The following PKD1L1 variants were observed in gnomAD, a reference collection of about 807,000 sequenced individuals.
PKD1L1 encodes the protein polycystin 1 like 1, transient receptor potential channel interacting.
A neutral mutation model predicts 323.4 loss-of-function variants in PKD1L1; 236 were observed. The ratio of observed to expected loss-of-function variants is 0.73; its 90% CI spans 0.66 to 0.81. The LOEUF (loss-of-function observed/expected upper bound fraction) is 0.81. Among genes scored for constraint, PKD1L1 ranks in the 40% least tolerant of loss-of-function variants. The probability of loss-of-function intolerance (pLI) is 0.00; values close to 1 mark genes in which losing one functional copy is unlikely to be tolerated. For synonymous variants in PKD1L1, 1,344 were observed against 1,335.0 expected (o/e 1.01, Z -0.15); for missense variants, 3,320 against 3,508.0 (o/e 0.95, Z 1.35).
intron 14 of PKD1L1, among the ~76,000 whole-genome samples, chr7:47,894,915 C>T (rs58909430): frequency 0.036 from 5,542 of 151,900 alleles, 348 homozygotes; most frequent in African/African-American, 0.13. Context: ...GCTATTCTTT[C>T]ACTGGGTCTC....
chr7:47,891,426 C>A (rs1003144273), intron 15 of PKD1L1, among the ~76,000 whole-genome samples: 9 of 152,230 alleles, frequency 5.9e-5, no homozygotes, highest in African/African-American at 1.9e-4. Context: ...CATATAGTTC[C>A]AGCAGGGAGG....
rs969368629 is a variant in PKD1L1, at chr7:47,839,373, C to G, written c.5769+73G>C. 3.9e-6 allele frequency: 5 copies of G among 1,271,122 alleles called. No homozygotes were observed. In the South Asian group the frequency reaches 4.2e-5, roughly 11 times the overall value. The allele number at this position is 1,271,122 out of a possible 1,614,324, so 78.7% of individuals were successfully genotyped here. A position where few individuals can be genotyped will look rare whatever the true frequency, so the allele number is the denominator to read the frequency against. On this transcript the variant is annotated intron_variant, in intron 36 of 56. Coordinates refer to ENST00000289672, the MANE Select transcript of PKD1L1 (RefSeq NM_138295.5). The surrounding 1 kb of genome is among the most constrained non-coding windows in gnomAD (Gnocchi z 4.3). ...AGTTCAAAGACACAACTGTGGCAAG[C>G]GAAGCAGAGACAGGTGCCATGCTCT...
intron 21 of PKD1L1, among the ~76,000 whole-genome samples, chr7:47,878,398 T>A (rs942236111): frequency 2.0e-5 from 3 of 152,220 alleles, no homozygotes; most frequent in Admixed American, 6.5e-5. Flanking sequence ...TGTCTTGAGA[T>A]GGATTATAGA....
rs537319510 is a variant in PKD1L1, at chr7:47,862,179, A to G, written c.4149+3037T>C. On this transcript the variant is annotated intron_variant, in intron 26 of 56. Coordinates refer to ENST00000289672, the MANE Select transcript of PKD1L1 (RefSeq NM_138295.5). ...CACTACACTCCAGCTTGGGCGACAG[A>G]GTGAGACTCTGTCTGAAAAAAAAAA... 3.3e-5 allele frequency among the ~76,000 whole-genome samples: 5 copies of G among 152,160 alleles called. No individual in the cohort carries two copies. In the South Asian group the frequency reaches 8.3e-4, roughly 25 times the overall value.
Position 47,918,738 on chromosome 7 carries a change from T to G in PKD1L1, c.1061-3139A>C, listed in dbSNP as rs188743456. 3.0e-3 allele frequency among the ~76,000 whole-genome samples: 455 copies of G among 152,194 alleles called. 6 individuals carry two copies. The highest frequency in any genetic ancestry group is 0.01 in the African/African-American group (427 of 41,506). ...GAACATTCAAAACCATGCAAATACA[T>G]AGAAATTAAATAACCTGCTCCTGAG... On this transcript the variant is annotated intron_variant, in intron 7 of 56. Transcript: ENST00000289672.
At chr7:47,878,926 C>A (rs1583641632) in intron 21 of PKD1L1, among the ~76,000 whole-genome samples, 1 of 152,334 alleles carries the variant, frequency 6.6e-6, no homozygotes, top group East Asian at 1.9e-4. Flanking sequence ...TGGAGAGACT[C>A]TCATGTGTCT....
In PKD1L1 at chr7:47,830,107, C is replaced by T. The variant is rs1317728664; in HGVS notation, c.6491G>A (p.Cys2164Tyr). 1 of 1,614,120 alleles carries T rather than the reference C, an allele frequency of 6.2e-7. No individual in the cohort carries two copies. Among genetic ancestry groups the T allele is most frequent in the Admixed American group, 1.7e-5 (1 of 60,022 alleles). The change falls in exon 43 of 57, where the codon TGT becomes TAT. Residue 2164 changes from cysteine (C) to tyrosine (Y), a missense_variant. By Grantham distance (194) the Cys-to-Tyr change is radical (BLOSUM62 -2). Coordinates refer to ENST00000289672, the MANE Select transcript of PKD1L1 (RefSeq NM_138295.5). The stretch of plus-strand genomic sequence containing the variant: ...GGACAGCAGGTGCAGCCACTGCACA[C>T]ATTGCTCCTGGCCAAACCTGCCCCC... ...FLAYRFGQEQCVQWLHLLSLS... is the reference protein window; with the variant it reads ...FLAYRFGQEQYVQWLHLLSLS...
At chr7:47,855,087 A>G in intron 29 of PKD1L1, 48 bp from the exon 30 acceptor site, 2 of 1,608,746 alleles carry the variant, frequency 1.2e-6, no homozygotes, top group African/African-American at 1.3e-5. Context: ...CTTTGGTAAA[A>G]TAAACACATT....
At chr7:47,872,842 C>T (rs1786311667) in intron 24 of PKD1L1, among the ~76,000 whole-genome samples, 1 of 152,182 alleles carries the variant, frequency 6.6e-6, no homozygotes, top group Non-Finnish European at 1.5e-5. Context: ...ACCACACACT[C>T]ACACAAAAAC....
intron 51 of PKD1L1, 110 bp from the exon 52 acceptor site, chr7:47,808,497 G>A (rs1562939776): frequency 2.3e-6 from 3 of 1,318,180 alleles, no homozygotes; most frequent in Non-Finnish European, 3.2e-6. Flanking sequence ...TAACTACAGG[G>A]ATGCCTTCTG....
the PKD1L1 span, among the ~76,000 whole-genome samples, chr7:47,959,779 C>A: frequency 7.0e-6 from 1 of 143,744 alleles, no homozygotes; most frequent in African/African-American, 2.6e-5. Flanking sequence ...CCAGCCGCCC[C>A]GTCCGGGAGG....
chr7:47,897,657 G>A (rs145817193), intron 14 of PKD1L1, among the ~76,000 whole-genome samples: 92 of 152,278 alleles, frequency 6.0e-4, no homozygotes, highest in South Asian at 2.5e-3. Flanking sequence ...TCCTTTCTGG[G>A]TGATTGGCCC....
intron 14 of PKD1L1, among the ~76,000 whole-genome samples, chr7:47,895,791 GT>G (rs1786922875): frequency 6.6e-6 from 1 of 152,204 alleles, no homozygotes; most frequent in Admixed American, 6.5e-5. Context: ...ATAGAAATTA[GT>G]TTTTTGTTTA....
intron 20 of PKD1L1, among the ~76,000 whole-genome samples, chr7:47,881,628 C>T (rs183974336): frequency 5.8e-4 from 88 of 152,290 alleles, no homozygotes; most frequent in African/African-American, 1.8e-3. Flanking sequence ...AGAAAAGGTG[C>T]GCACCAAGGT....
rs949484602 is a variant in PKD1L1 at position 47,948,266 on chromosome 7, T to A, written c.44+131A>T. ...CTGACCCCGCCGGCCAAATGCACCC[T>A]CCTGGTACAGGGCCTCCACTCGTGC... On this transcript the variant is annotated intron_variant, in intron 1 of 56. Coordinates refer to ENST00000289672, the MANE Select transcript of PKD1L1 (RefSeq NM_138295.5). 1.3e-5 allele frequency: 14 copies of A among 1,063,660 alleles called. No homozygotes were observed. In the African/African-American group the frequency reaches 2.2e-4, roughly 17 times the overall value. 65.9% of individuals were successfully genotyped at this position (1,063,660 alleles called of 1,614,324 possible).
At chr7:47,897,256 G>A (rs908293594) in intron 14 of PKD1L1, among the ~76,000 whole-genome samples, 4 of 152,186 alleles carry the variant, frequency 2.6e-5, no homozygotes, top group African/African-American at 9.7e-5. Flanking sequence ...GTGCTCAATA[G>A]GACTGCGTGC....
Position 47,811,820 on chromosome 7 carries a change from G to C in PKD1L1, c.7578C>G (p.Pro2526=), listed in dbSNP as rs1273337290. ...DSALQYHLML[P]QLVFLALSLI... is the part of the protein sequence containing the mutation. ...CCCAAGAGGCAGGTCAGCTCACCTG[G>C]GGAAGCATGAGGTGGTACTGCAGGG... is the stretch of plus-strand genomic sequence containing the variant. The change falls in exon 50 of 57, where the codon CCC becomes CCG. Residue 2526 remains proline (P), a synonymous_variant. Transcript: ENST00000289672. 2.5e-6 allele frequency: 4 copies of C among 1,599,600 alleles called. No homozygotes were observed. The African/African-American group carries it at 5.4e-5, about 21-fold the overall frequency.
chr7:47,835,242 G>A lies in PKD1L1; in HGVS notation c.5945C>T (p.Pro1982Leu), dbSNP rs199986588. The change falls in exon 38 of 57, where the codon CCC becomes CTC. Residue 1982 changes from proline to leucine, a missense_variant and splice_region_variant. Pro to Leu is a moderately conservative substitution (Grantham distance 98). Transcript: ENST00000289672. ...AAGGGTGGGGCTGACGTCCAAGTGG[G>A]GCTGCAACAAAGCAACAGCAGCCAT... ...ALVAAGGQEQ[P>L]HLDVSPTLGS... The A allele has an allele frequency of 5.7e-6, 9 of 1,582,264 alleles. No homozygotes were observed. The highest frequency in any genetic ancestry group is 6.8e-6 in the Non-Finnish European group (8 of 1,170,434).
At chr7:47,920,661 C>T (rs997484877) in intron 7 of PKD1L1, among the ~76,000 whole-genome samples, 3 of 152,292 alleles carry the variant, frequency 2.0e-5, no homozygotes, top group South Asian at 2.1e-4. Flanking sequence ...GCCATAGTCA[C>T]CAAAACAGCA....
Sources: gnomAD v4.1 joint callset for allele counts (sites outside exome capture counted in the v4.1 genomes callset) on GRCh38, gnomAD v4.1.1 for gene constraint, Gnocchi (gnomAD v3.1) non-coding constraint, MANE v1.5 for transcripts, NCBI Gene and HGNC (gene_info 2026-07-23, HGNC 2026-07-21) for gene names.